TTC33: variants seen among roughly 807,000 people sequenced by gnomAD.
TTC33 encodes the protein tetratricopeptide repeat domain 33.
In TTC33, 24 loss-of-function variants were observed where a neutral mutation model predicts 29.4. The observed-to-expected ratio is 0.82, with a 90% CI of 0.59 to 1.15. TTC33 has a LOEUF of 1.15. Ranked by LOEUF, TTC33 falls within the 50% of genes most tolerant of loss-of-function variation. The pLI is 0.00. For synonymous variants in TTC33, 107 were observed against 100.3 expected, an observed-to-expected ratio of 1.07 and a Z score of -0.40; for missense variants, 286 against 310.4, an observed-to-expected ratio of 0.92 and a Z score of 0.59.
chr5:40,734,049 G>A (rs1251931009), intron 2 of TTC33, among the ~76,000 whole-genome samples: 1 of 152,176 alleles, frequency 6.6e-6, no homozygotes, highest in Non-Finnish European at 1.5e-5. Flanking sequence ...GTGCTTTGTT[G>A]CCAACGAGGC....
rs535515270 is a variant in TTC33 at position 40,712,889 on chromosome 5, C to T, written c.*3256G>A. Among the ~76,000 whole-genome samples the T allele has an allele frequency of 3.9e-5, 6 of 152,094 alleles. No individual in the cohort carries two copies. The highest frequency in any genetic ancestry group is 8.8e-5 in the Non-Finnish European group (6 of 68,020). ...TAGGGCATGATTCATGTTACAGTAG[C>T]TTTAGGGCCACACTTCTTCTTCCGA... On this transcript the variant is annotated 3_prime_UTR_variant, in exon 5 of 5. Transcript: ENST00000337702.
Position 40,713,223 on chromosome 5 carries a change from T to C in TTC33, c.*2922A>G, listed in dbSNP as rs1741930902. Among the ~76,000 whole-genome samples, 1 of 152,108 alleles carries C rather than the reference T, an allele frequency of 6.6e-6. No individual in the cohort carries two copies. The highest frequency in any genetic ancestry group is 2.1e-4 in the South Asian group (1 of 4,830). ...TGTATCATGAAATCATAGCTCAGAA[T>C]TGCTGGTCCAGAGTCACTTTAGAAT... On this transcript the variant is annotated 3_prime_UTR_variant, in exon 5 of 5. Transcript: ENST00000337702.
chr5:40,722,819 G>A (rs1279842377), intron 4 of TTC33, among the ~76,000 whole-genome samples: 1 of 150,362 alleles, frequency 6.7e-6, no homozygotes, highest in East Asian at 2.0e-4. Flanking sequence ...GGGAGGTGGG[G>A]GGCGCAGCCC....
chr5:40,726,249 G>A (rs1404897000), intron 4 of TTC33, among the ~76,000 whole-genome samples: 2 of 150,500 alleles, frequency 1.3e-5, no homozygotes, highest in African/African-American at 4.9e-5. Context: ...ATTTTCCAAT[G>A]TTCACATCCA....
At chr5:40,750,030 G>A (rs1326233276) in intron 1 of TTC33, among the ~76,000 whole-genome samples, 1 of 150,766 alleles carries the variant, frequency 6.6e-6, no homozygotes, top group African/African-American at 2.4e-5. Context: ...AGAGGTTGCA[G>A]TGAGCTGAGA....
chr5:40,747,169 T>G lies in TTC33; in HGVS notation c.-1-150A>C, dbSNP rs141435853. 1.8e-3 allele frequency: 1,181 copies of G among 666,262 alleles called. 7 individuals are homozygous for G. Among genetic ancestry groups the G allele is most frequent in the African/African-American group, 0.016 (890 of 55,034 alleles). 41.3% of individuals were successfully genotyped at this position (666,262 alleles called of 1,614,324 possible). On this transcript the variant is annotated intron_variant, in intron 1 of 4. Transcript: ENST00000337702. ...CGCCTCCCGGGTTAAGTGATTCTCC[T>G]GCCTCAGCCTCCCGAATAGCTGGGA...
intron 2 of TTC33, among the ~76,000 whole-genome samples, chr5:40,735,759 G>T (rs1014595102): frequency 1.3e-5 from 2 of 152,200 alleles, no homozygotes; most frequent in African/African-American, 4.8e-5. Flanking sequence ...AGAGAGCAGT[G>T]TATTTAGGAA....
chr5:40,732,801 T>C (rs928424372), intron 2 of TTC33, among the ~76,000 whole-genome samples: 2 of 152,088 alleles, frequency 1.3e-5, no homozygotes, highest in Admixed American at 1.3e-4. Context: ...AGAGATGGGG[T>C]TTCACCATGT....
Position 40,751,453 on chromosome 5 carries a change from C to G in TTC33, c.-2+4371G>C, listed in dbSNP as rs191503270. 5.8e-4 allele frequency among the ~76,000 whole-genome samples: 89 copies of G among 152,290 alleles called. 1 individual carries two copies. The highest frequency in any genetic ancestry group is 4.1e-3 in the Admixed American group (63 of 15,294). ...GCTTTGTTGTTCCATTTATAGAACACAGGCAAAGTACATTTAGCATAATTC... is the reference window on the plus strand; with the variant it reads ...GCTTTGTTGTTCCATTTATAGAACAGAGGCAAAGTACATTTAGCATAATTC... On this transcript the variant is annotated intron_variant, in intron 1 of 4. Transcript: ENST00000337702.
chr5:40,716,599 C>A, intron 4 of TTC33, 101 bp from the exon 5 acceptor site: 5 of 742,874 alleles, frequency 6.7e-6, no homozygotes, highest in Non-Finnish European at 1.1e-5. Flanking sequence ...ACATACACAT[C>A]CTAATGCATT....
At chr5:40,751,314 C>G (rs1742891134) in intron 1 of TTC33, among the ~76,000 whole-genome samples, 1 of 152,168 alleles carries the variant, frequency 6.6e-6, no homozygotes, top group African/African-American at 2.4e-5. Flanking sequence ...TGACAGGGTG[C>G]ACTGTCAATG....
chr5:40,714,523 A>G lies in TTC33; in HGVS notation c.*1622T>C, dbSNP rs906373771. 2.0e-5 allele frequency: 3 copies of G among 152,274 alleles called. No homozygotes were observed. The highest frequency in any genetic ancestry group is 7.2e-5 in the African/African-American group (3 of 41,458). 9.4% of individuals were successfully genotyped at this position (152,274 alleles called of 1,614,324 possible). A position where few individuals can be genotyped will look rare whatever the true frequency, so the allele number is the denominator to read the frequency against. ...CAAATTACACAAAAAACAAACATCC[A>G]TTACTCAAAACAATATACCAAATGT... On this transcript the variant is annotated 3_prime_UTR_variant, in exon 5 of 5. Transcript: ENST00000337702.
chr5:40,733,363 T>C (rs1742478510), intron 2 of TTC33, among the ~76,000 whole-genome samples: 1 of 152,050 alleles, frequency 6.6e-6, no homozygotes, highest in Non-Finnish European at 1.5e-5. Context: ...TCACAACTAT[T>C]CAACTCTATT....
At chr5:40,731,998 G>C (rs1415247171) in intron 2 of TTC33, among the ~76,000 whole-genome samples, 2 of 152,180 alleles carry the variant, frequency 1.3e-5, no homozygotes, top group Non-Finnish European at 2.9e-5. Context: ...CTCAAAGTAA[G>C]TGAATATAAA....
At chr5:40,720,059 A>C (rs1375197467) in intron 4 of TTC33, among the ~76,000 whole-genome samples, 1 of 152,132 alleles carries the variant, frequency 6.6e-6, no homozygotes, top group East Asian at 1.9e-4. Flanking sequence ...ATTTTTATCT[A>C]CTTTTTTCTT....
chr5:40,739,809 T>C (rs907248630), intron 2 of TTC33, among the ~76,000 whole-genome samples: 3 of 152,228 alleles, frequency 2.0e-5, no homozygotes, highest in African/African-American at 7.2e-5. Flanking sequence ...ATAGTGTATA[T>C]TTATTGATTT....
chr5:40,748,617 T>A (rs2111937356), intron 1 of TTC33, among the ~76,000 whole-genome samples: 1 of 152,308 alleles, frequency 6.6e-6, no homozygotes, highest in South Asian at 2.1e-4. Flanking sequence ...CATCTAGGAA[T>A]TGTTTTAAAG....
At chr5:40,754,095 G>A (rs185619063) in intron 1 of TTC33, among the ~76,000 whole-genome samples, 6 of 152,264 alleles carry the variant, frequency 3.9e-5, no homozygotes, top group Admixed American at 3.3e-4. Context: ...CTGGGGACAA[G>A]TATAAGTTAT....
intron 2 of TTC33, among the ~76,000 whole-genome samples, chr5:40,733,015 C>G (rs912873192): frequency 1.3e-5 from 2 of 151,988 alleles, no homozygotes; most frequent in African/African-American, 2.4e-5. Flanking sequence ...GTAGCATGCT[C>G]TTAACACACA....
Sources: gnomAD v4.1 joint callset for allele counts (sites outside exome capture counted in the v4.1 genomes callset) on GRCh38, gnomAD v4.1.1 for gene constraint, MANE v1.5 for transcripts, NCBI Gene and HGNC (gene_info 2026-07-23, HGNC 2026-07-21) for gene names.